The following SLC13A2 variants were observed in gnomAD, a reference collection of about 807,000 sequenced individuals.
SLC13A2 encodes the protein Na(+)-coupled citrate transporter.
In SLC13A2, 40 loss-of-function variants were observed where a neutral mutation model predicts 58.5. The observed-to-expected ratio is 0.68, with a 90% CI of 0.53 to 0.89. SLC13A2 has a LOEUF of 0.89. Among genes scored for constraint, SLC13A2 ranks in the 40% least tolerant of loss-of-function variants. The pLI is 0.00. For synonymous variants in SLC13A2, 341 were observed against 331.6 expected (o/e 1.03, Z -0.31); for missense variants, 694 against 772.6 (o/e 0.90, Z 1.21).
chr17:28,493,803 G>C lies in SLC13A2; in HGVS notation c.1097+14G>C. 6.2e-7 allele frequency: 1 copy of C among 1,613,812 alleles called. No individual in the cohort carries two copies. Among genetic ancestry groups the C allele is most frequent in the Non-Finnish European group, 8.5e-7 (1 of 1,179,814 alleles). On this transcript the variant is annotated intron_variant, in intron 7 of 11. Coordinates refer to ENST00000314669, the MANE Select transcript of SLC13A2 (RefSeq NM_003984.4). ...CAAGGGGGAGAGGTGAGAGTTGCAG[G>C]GGTTGGGAGGAGGACACATCTGGGG...
chr17:28,495,834 A>G lies in SLC13A2; in HGVS notation c.1470+18A>G. 3.1e-6 allele frequency: 5 copies of G among 1,608,892 alleles called. No individual in the cohort carries two copies. Among genetic ancestry groups the G allele is most frequent in the Non-Finnish European group, 4.2e-6 (5 of 1,177,390 alleles). On this transcript the variant is annotated intron_variant, in intron 10 of 11. Coordinates refer to ENST00000314669, the MANE Select transcript of SLC13A2 (RefSeq NM_003984.4). The stretch of plus-strand genomic sequence containing the variant: ...CCTCCATGGTGAGCTGGCCCTCAGA[A>G]ACACCTCCTCCAGGCAGCCCGCCTG...
At position 28,473,800 on chromosome 17, in the gene SLC13A2, C is replaced by T; in HGVS notation, c.88C>T (p.Leu30Phe). ...VPILLLPLPI[L>F]VPSKEAYCAY... ...CATTCTCCTGCTGCCTCTGCCCATC[C>T]TCGTCCCCAGTAAGGTAAGGACTTG... Residue 30 changes from leucine to phenylalanine, a missense_variant, in exon 1 of 12, where the codon CTC (leucine) becomes TTC (phenylalanine). Coordinates refer to ENST00000314669, the MANE Select transcript of SLC13A2 (RefSeq NM_003984.4). The T allele has an allele frequency of 6.2e-7, 1 of 1,614,128 alleles. No homozygotes were observed. The highest frequency in any genetic ancestry group is 1.1e-5 in the South Asian group (1 of 91,072).
At chr17:28,493,492 T>G in intron 6 of SLC13A2, 79 bp from the exon 7 acceptor site, 1 of 1,239,420 alleles carries the variant, frequency 8.1e-7, no homozygotes, top group African/African-American at 1.5e-5. Flanking sequence ...GCCTCAGCCT[T>G]TAGATGGTAG....
rs1458620011 is a variant in SLC13A2 at position 28,496,914 on chromosome 17, CCT to C, written c.1609-184_1609-183del. Among the ~76,000 whole-genome samples the C allele has an allele frequency of 5.3e-5, 8 of 152,210 alleles. No individual in the cohort carries two copies. Among genetic ancestry groups the C allele is most frequent in the African/African-American group, 1.7e-4 (7 of 41,448 alleles). The stretch of plus-strand genomic sequence containing the variant: ...AAGCTCAGGAGGAGCGCCCCTTTCC[CCT>C]GTTAGCACAGGGAGTAAAGCAAGGG... On this transcript the variant is annotated intron_variant, in intron 11 of 11. Coordinates refer to ENST00000314669, the MANE Select transcript of SLC13A2 (RefSeq NM_003984.4). This position sits in a 1 kb window ranked among gnomAD's most constrained non-coding sequence, Gnocchi z 4.2.
At chr17:28,481,858 C>T (rs1420877206) in intron 1 of SLC13A2, among the ~76,000 whole-genome samples, 1 of 152,212 alleles carries the variant, frequency 6.6e-6, no homozygotes, top group East Asian at 1.9e-4. Flanking sequence ...GATGGAGTCT[C>T]ACTGTGTTGC....
At chr17:28,486,654 C>T (rs1361175180) in intron 1 of SLC13A2, among the ~76,000 whole-genome samples, 1 of 152,000 alleles carries the variant, frequency 6.6e-6, no homozygotes, top group Non-Finnish European at 1.5e-5. Flanking sequence ...TCTGAGAGGC[C>T]CCCTGGGTCA....
At chr17:28,481,400 G>A (rs1366894962) in intron 1 of SLC13A2, among the ~76,000 whole-genome samples, 3 of 152,194 alleles carry the variant, frequency 2.0e-5, no homozygotes, top group Admixed American at 6.5e-5. Flanking sequence ...AAGAGTCACC[G>A]CCATCACGTG....
intron 9 of SLC13A2, 144 bp from the exon 10 acceptor site, chr17:28,495,511 G>T: frequency 1.4e-6 from 1 of 740,582 alleles, no homozygotes; most frequent in Non-Finnish European, 2.2e-6. Context: ...GGTCTTAGCT[G>T]GGTCCTATCA....
chr17:28,488,069 C>T (rs190204058), intron 1 of SLC13A2, among the ~76,000 whole-genome samples: 2 of 152,254 alleles, frequency 1.3e-5, no homozygotes, highest in African/African-American at 2.4e-5. Flanking sequence ...GGTGGGACCC[C>T]CACACCCACT....
rs2069173769 is a variant in SLC13A2 at position 28,497,623 on chromosome 17, T to C, written c.*354T>C. The stretch of plus-strand genomic sequence containing the variant: ...AGACAATACAACATGCCCTCTCTGG[T>C]GCCCCAGGTCTTGGTATCCCCAGCT... On this transcript the variant is annotated 3_prime_UTR_variant, in exon 12 of 12. Transcript: ENST00000314669. The C allele has an allele frequency of 4.5e-6, 1 of 222,408 alleles. No homozygotes were observed. The highest frequency in any genetic ancestry group is 8.8e-6 in the Non-Finnish European group (1 of 113,412). The allele number at this position is 222,408 out of a possible 1,614,324, so 13.8% of individuals were successfully genotyped here. A position where few individuals can be genotyped will look rare whatever the true frequency, so the allele number is the denominator to read the frequency against.
At chr17:28,489,115 G>C in intron 1 of SLC13A2, 99 bp from the exon 2 acceptor site, 1 of 1,379,174 alleles carries the variant, frequency 7.3e-7, no homozygotes, top group Non-Finnish European at 1.0e-6. Context: ...GCTCTCCCCA[G>C]GCAGTCACAA....
rs1555603940 is a variant in SLC13A2 at position 28,493,594 on chromosome 17, G to A, written c.902G>A (p.Gly301Glu). 2 of 1,607,068 alleles carry A rather than the reference G, an allele frequency of 1.2e-6. No individual in the cohort carries two copies. The highest frequency in any genetic ancestry group is 3.3e-5 in the Admixed American group (2 of 59,744). ...GFNFRKNFGI[G>E]EKMQEQQQAA... ...AGCTTCCGGAAGAACTTTGGCATTG[G>A]GGAAAAGATGCAGGAGCAACAGCAG... is the stretch of plus-strand genomic sequence containing the variant. The change falls in exon 7 of 12, where the codon GGG becomes GAG. Residue 301 changes from glycine (G) to glutamate (E), a missense_variant. Transcript: ENST00000314669.
chr17:28,482,693 G>T (rs184041160), intron 1 of SLC13A2, among the ~76,000 whole-genome samples: 42 of 152,254 alleles, frequency 2.8e-4, no homozygotes, highest in African/African-American at 3.4e-4. Context: ...GGCAGACAAG[G>T]CTCTTTCCAA....
Position 28,496,160 on chromosome 17 carries a change from G to A in SLC13A2, c.1471-290G>A, listed in dbSNP as rs577859652. 9.9e-5 allele frequency among the ~76,000 whole-genome samples: 15 copies of A among 152,186 alleles called. No individual in the cohort carries two copies. Among genetic ancestry groups the A allele is most frequent in the East Asian group, 1.9e-4 (1 of 5,154 alleles). ...GTCCCAAGCCCCTTCCTCCCCAGGC[G>A]TGTTCCTGCAGCCTTTGATGACACC... On this transcript the variant is annotated intron_variant, in intron 10 of 11. Transcript: ENST00000314669. The surrounding 1 kb of genome is among the most constrained non-coding windows in gnomAD (Gnocchi z 4.2).
intron 1 of SLC13A2, among the ~76,000 whole-genome samples, chr17:28,481,015 T>G (rs1188119857): frequency 6.6e-6 from 1 of 152,106 alleles, no homozygotes; most frequent in African/African-American, 2.4e-5. Flanking sequence ...AGTCCCCAAC[T>G]TGGATTTTGC....
Position 28,490,788 on chromosome 17 carries a change from A to G in SLC13A2, c.456A>G (p.Ala152=). The G allele has an allele frequency of 1.2e-6, 2 of 1,614,040 alleles. No homozygotes were observed. Among genetic ancestry groups the G allele is most frequent in the Non-Finnish European group, 1.7e-6 (2 of 1,179,984 alleles). ...TATSAMMVPI[A]HAVLDQLHSS... ...CCTCAGCCATGATGGTGCCCATCGC[A>G]CATGCCGTCCTGGACCAGCTGCACA... Residue 152 remains alanine (A), a synonymous_variant, in exon 4 of 12, where the codon GCA becomes GCG. Coordinates refer to ENST00000314669, the MANE Select transcript of SLC13A2 (RefSeq NM_003984.4).
chr17:28,486,169 G>T (rs2068877242), intron 1 of SLC13A2, among the ~76,000 whole-genome samples: 1 of 152,116 alleles, frequency 6.6e-6, no homozygotes, highest in Admixed American at 6.5e-5. Flanking sequence ...TCTAAAGTTG[G>T]TATAATAACT....
chr17:28,494,802 C>T lies in SLC13A2; in HGVS notation c.1308+290C>T, dbSNP rs1555604330. On this transcript the variant is annotated intron_variant, in intron 9 of 11. Transcript: ENST00000314669. This position sits in a 1 kb window ranked among gnomAD's most constrained non-coding sequence, Gnocchi z 4.0. ...GAGACAAATGCCATCCCACCCCAGC[C>T]CTTTGCCCGCTGCCAGAGCACACAG... Among the ~76,000 whole-genome samples, 2 of 152,112 alleles carry T rather than the reference C, an allele frequency of 1.3e-5. No individual in the cohort carries two copies. Among genetic ancestry groups the T allele is most frequent in the African/African-American group, 4.8e-5 (2 of 41,422 alleles).
In SLC13A2 at chr17:28,496,622, C is replaced by T. The variant is rs764371438; in HGVS notation, c.1608+35C>T. Reference sequence around the variant, plus strand: ...AGGGAGGCCTGAATGCCTCATCCCTCCTTCCTGCTCTGACTTTTCATCTTA... The same window carrying T: ...AGGGAGGCCTGAATGCCTCATCCCTTCTTCCTGCTCTGACTTTTCATCTTA... On this transcript the variant is annotated intron_variant, in intron 11 of 11. Transcript: ENST00000314669. This position sits in a 1 kb window ranked among gnomAD's most constrained non-coding sequence, Gnocchi z 4.2. The T allele has an allele frequency of 1.3e-6, 2 of 1,584,912 alleles. No individual in the cohort carries two copies. The highest frequency in any genetic ancestry group is 1.7e-6 in the Non-Finnish European group (2 of 1,161,006).
Sources: allele counts gnomAD v4.1 joint callset (sites outside exome capture counted in the v4.1 genomes callset), GRCh38; gene constraint gnomAD v4.1.1; non-coding constraint Gnocchi (gnomAD v3.1); transcripts MANE v1.5; gene names NCBI Gene and HGNC (gene_info 2026-07-23, HGNC 2026-07-21).